The following CDH4 variants were observed in gnomAD, a reference collection of about 807,000 sequenced individuals.
CDH4 encodes cadherin 4.
CDH4 carries 33 observed loss-of-function variants against 86.0 expected under a neutral mutation model. The observed-to-expected ratio is 0.38, with a 90% confidence interval of 0.29 to 0.51. CDH4 has a LOEUF of 0.51. CDH4 is among the 20% of genes least tolerant of loss of function. The probability of loss-of-function intolerance (pLI) is 0.86; values close to 1 mark genes in which losing one functional copy is unlikely to be tolerated. For missense variants in CDH4, 1,114 were observed against 1,307.4 expected (o/e 0.85, Z 2.28); for synonymous variants, 555 against 549.4 (o/e 1.01, Z -0.14).
intron 6 of CDH4, among the ~76,000 whole-genome samples, chr20:61,867,448 G>T (rs904189675): frequency 3.3e-5 from 5 of 152,010 alleles, no homozygotes; most frequent in Non-Finnish European, 7.4e-5. Context: ...TACTTGGGAG[G>T]CTGAGGCAGG....
At chr20:61,396,397 G>T (rs2085017264) in intron 2 of CDH4, among the ~76,000 whole-genome samples, 1 of 152,170 alleles carries the variant, frequency 6.6e-6, no homozygotes, top group Admixed American at 6.5e-5. Flanking sequence ...TCGGCAAGAG[G>T]CTCAGGAGGA....
chr20:61,454,603 A>C (rs2145551211), intron 2 of CDH4, among the ~76,000 whole-genome samples: 1 of 152,128 alleles, frequency 6.6e-6, no homozygotes, highest in East Asian at 1.9e-4. Context: ...CTGCCACCAT[A>C]GCCAGCTAAT....
intron 2 of CDH4, among the ~76,000 whole-genome samples, chr20:61,444,285 A>ATGAGTCTT (rs2085331359): frequency 0.033 from 161 of 4,830 alleles, 2 homozygotes; most frequent in South Asian, 0.049. Flanking sequence ...ATGTGTATGT[A>ATGAGTCTT]TGTGTGGGTT....
intron 2 of CDH4, among the ~76,000 whole-genome samples, chr20:61,660,813 C>G (rs1049550515): frequency 6.6e-6 from 1 of 152,130 alleles, no homozygotes; most frequent in Non-Finnish European, 1.5e-5. Flanking sequence ...TACCTGGACT[C>G]CCGCGTGGAA....
intron 4 of CDH4, among the ~76,000 whole-genome samples, chr20:61,792,181 C>T (rs114169647): frequency 0.054 from 8,195 of 152,060 alleles, 704 homozygotes; most frequent in African/African-American, 0.18. Context: ...AGATGGCCTG[C>T]AGGGAAGGAC....
At chr20:61,539,939 A>G (rs529544168) in intron 2 of CDH4, among the ~76,000 whole-genome samples, 1 of 152,298 alleles carries the variant, frequency 6.6e-6, no homozygotes, top group Non-Finnish European at 1.5e-5. Context: ...CTGTGTGCTC[A>G]CCACATTCCC....
At chr20:61,497,599 A>C (rs1170497521) in intron 2 of CDH4, among the ~76,000 whole-genome samples, 20 of 152,164 alleles carry the variant, frequency 1.3e-4, no homozygotes, top group Non-Finnish European at 2.9e-5. Flanking sequence ...ACACTTTTAC[A>C]CTGTTGGTGG....
At chr20:61,360,367 G>A (rs951069549) in intron 2 of CDH4, among the ~76,000 whole-genome samples, 3 of 152,182 alleles carry the variant, frequency 2.0e-5, no homozygotes, top group African/African-American at 4.8e-5. Context: ...CTCGGAGCAG[G>A]GCAGAAGAAC....
At chr20:61,852,626 C>T in intron 5 of CDH4, 128 bp from the exon 6 acceptor site, 1 of 862,606 alleles carries the variant, frequency 1.2e-6, no homozygotes, top group Non-Finnish European at 1.7e-6. Context: ...TGTCCAAAGC[C>T]CCCCGGCCCC....
At chr20:61,836,937 T>A (rs1316218019) in intron 4 of CDH4, among the ~76,000 whole-genome samples, 1 of 152,252 alleles carries the variant, frequency 6.6e-6, no homozygotes, top group African/African-American at 2.4e-5. Context: ...CCCATGCCTA[T>A]AATCCCAGCA....
chr20:61,420,151 C>G (rs979963027), intron 2 of CDH4, among the ~76,000 whole-genome samples: 20 of 152,254 alleles, frequency 1.3e-4, no homozygotes, highest in Non-Finnish European at 1.3e-4. Context: ...CAAGTGGTCT[C>G]CAGCCACTGT....
Position 61,481,800 on chromosome 20 carries a change from C to T in CDH4, c.169+226863C>T, listed in dbSNP as rs181884121. Among the ~76,000 whole-genome samples the T allele has an allele frequency of 1.1e-4, 17 of 152,320 alleles. No homozygotes were observed. In the East Asian group the frequency reaches 3.3e-3, roughly 29 times the overall value. On this transcript the variant is annotated intron_variant, in intron 2 of 15. Coordinates refer to ENST00000614565, the MANE Select transcript of CDH4 (RefSeq NM_001794.5). ...TTGTGCCGTTATGTATATAAGAGAA[C>T]ATCTTTCCAGGAACCAAACTGCCTC...
chr20:61,593,550 C>T (rs1358155399), intron 2 of CDH4, among the ~76,000 whole-genome samples: 2 of 152,308 alleles, frequency 1.3e-5, no homozygotes, highest in African/African-American at 2.4e-5. Flanking sequence ...ATCCCAGGGG[C>T]GTGCAGCAGT....
In CDH4 at chr20:61,754,949, C is replaced by T. The variant is rs149839974; in HGVS notation, c.396+11160C>T. 2.3e-4 allele frequency: 35 copies of T among 152,466 alleles called. No individual in the cohort carries two copies. The highest frequency in any genetic ancestry group is 8.4e-4 in the African/African-American group (35 of 41,500). 9.4% of individuals were successfully genotyped at this position (152,466 alleles called of 1,614,324 possible). On this transcript the variant is annotated intron_variant, in intron 3 of 15. Transcript: ENST00000614565. This position sits in a 1 kb window ranked among gnomAD's most constrained non-coding sequence, Gnocchi z 4.7. ...TCCGTTTTCACACTACTGATAAAGA[C>T]ATACTCGAGACTGGGAAGAAAAAGA...
intron 2 of CDH4, chr20:61,570,702 A>G: frequency 1.4e-6 from 1 of 702,400 alleles, no homozygotes; most frequent in East Asian, 2.7e-5. Flanking sequence ...GCGATGCCAA[A>G]GTCAACAGGG....
At chr20:61,737,555 C>T (rs2088280160) in intron 2 of CDH4, among the ~76,000 whole-genome samples, 1 of 152,198 alleles carries the variant, frequency 6.6e-6, no homozygotes, top group African/African-American at 2.4e-5. Context: ...CCACTGACCA[C>T]CCTGGCCTCA....
chr20:61,630,878 C>T (rs1298862996), intron 2 of CDH4, among the ~76,000 whole-genome samples: 4 of 152,132 alleles, frequency 2.6e-5, no homozygotes, highest in Non-Finnish European at 5.9e-5. Context: ...TGAACGGGGC[C>T]CTTGCTACAT....
intron 7 of CDH4, among the ~76,000 whole-genome samples, chr20:61,888,106 GA>G (rs1320771500): frequency 6.6e-6 from 1 of 152,234 alleles, no homozygotes; most frequent in East Asian, 1.9e-4. Context: ...TGCCCTGTCA[GA>G]AAACCTGATT....
At chr20:61,253,674 G>T (rs866885539) in intron 1 of CDH4, among the ~76,000 whole-genome samples, 4 of 152,202 alleles carry the variant, frequency 2.6e-5, no homozygotes, top group African/African-American at 9.6e-5. Flanking sequence ...GAAAGCCGCG[G>T]TTTAGAGCTT....
Sources: allele counts gnomAD v4.1 joint callset (sites outside exome capture counted in the v4.1 genomes callset), GRCh38; gene constraint gnomAD v4.1.1; non-coding constraint Gnocchi (gnomAD v3.1); transcripts MANE v1.5; gene names NCBI Gene and HGNC (gene_info 2026-07-23, HGNC 2026-07-21).